Variants in ZNF90 observed in about 807,000 individuals in gnomAD.
ZNF90 encodes zinc finger protein 90.
A neutral mutation model predicts 12.0 loss-of-function variants in ZNF90; 11 were observed. That is an observed-to-expected ratio of 0.92 (90% CI 0.58 to 1.52). ZNF90 has a LOEUF of 1.52. ZNF90 is among the 40% of genes most tolerant of loss of function. The pLI is 0.00. For missense variants in ZNF90, 765 were observed against 711.5 expected (o/e 1.08, Z -0.86); for synonymous variants, 232 against 240.1 (o/e 0.97, Z 0.31).
rs771699751 is a variant in ZNF90, at chr19:20,078,619, GTTC to G, written c.3+491_3+493del. Among the ~76,000 whole-genome samples the G allele has an allele frequency of 1.3e-3, 190 of 151,420 alleles. 2 individuals carry two copies. Among genetic ancestry groups the G allele is most frequent in the African/African-American group, 4.2e-3 (171 of 40,838 alleles). Reference sequence around the variant, plus strand: ...GGTAAAGGGTTGTTAGTACAACGTAGTTCTTCTTCAAAGACGCAACTTCCTGGT... The same window carrying G: ...GGTAAAGGGTTGTTAGTACAACGTAGTTCTTCAAAGACGCAACTTCCTGGT... On this transcript the variant is annotated intron_variant, in intron 1 of 3. Coordinates refer to ENST00000418063, the MANE Select transcript of ZNF90 (RefSeq NM_007138.2).
chr19:20,088,183 A>C (rs1486615830), intron 1 of ZNF90, among the ~76,000 whole-genome samples: 1 of 151,794 alleles, frequency 6.6e-6, no homozygotes, highest in African/African-American at 2.4e-5. Context: ...AATAGTGTTG[A>C]AGTGTTGGGG....
intron 2 of ZNF90, among the ~76,000 whole-genome samples, chr19:20,104,800 G>T (rs113064485): frequency 3.5e-3 from 539 of 152,268 alleles, no homozygotes; most frequent in Middle Eastern, 0.01. Flanking sequence ...TTTGAGACTA[G>T]CCTAACCAAC....
At chr19:20,087,063 AT>A (rs2088865130) in intron 1 of ZNF90, 2 of 152,226 alleles carry the variant, frequency 1.3e-5, no homozygotes, top group African/African-American at 4.8e-5. Flanking sequence ...TAGAACCTCC[AT>A]TCAATGGCTA....
Position 20,089,191 on chromosome 19 carries a change from G to A in ZNF90, c.3+11056G>A, listed in dbSNP as rs10413166. 8.6e-3 allele frequency among the ~76,000 whole-genome samples: 1,305 copies of A among 152,278 alleles called. 14 individuals carry two copies. Among genetic ancestry groups the A allele is most frequent in the African/African-American group, 0.03 (1,234 of 41,548 alleles). ...GGGACTGATGGGGTAACTGCATAGA[G>A]GGGGAGTTTTGATTTTCATGGTGTA... On this transcript the variant is annotated intron_variant, in intron 1 of 3. Coordinates refer to ENST00000418063, the MANE Select transcript of ZNF90 (RefSeq NM_007138.2).
At position 20,120,869 on chromosome 19, in the gene ZNF90, CAT is replaced by C. The variant is rs1257018077; in HGVS notation, c.*1510_*1511del. On this transcript the variant is annotated 3_prime_UTR_variant, in exon 4 of 4. Coordinates refer to ENST00000418063, the MANE Select transcript of ZNF90 (RefSeq NM_007138.2). ...TATGCTGTTACTTTATTTCTATTCA[CAT>C]GTGAAAGCATGTGATCAATTGATGC... is the stretch of plus-strand genomic sequence containing the variant. 1 of 152,236 alleles carries C rather than the reference CAT, an allele frequency of 6.6e-6. No individual in the cohort carries two copies. Among genetic ancestry groups the C allele is most frequent in the Admixed American group, 6.5e-5 (1 of 15,284 alleles). 9.4% of individuals were successfully genotyped at this position (152,236 alleles called of 1,614,324 possible).
At chr19:20,114,941 A>G (rs7257214) in intron 3 of ZNF90, among the ~76,000 whole-genome samples, 17,583 of 152,152 alleles carry the variant, frequency 0.12, 1,741 homozygotes, top group East Asian at 0.52. Context: ...TGCTTTATAT[A>G]TTTGAAACCC....
At chr19:20,091,104 C>T (rs991890235) in intron 1 of ZNF90, among the ~76,000 whole-genome samples, 5 of 152,276 alleles carry the variant, frequency 3.3e-5, no homozygotes, top group Non-Finnish European at 5.9e-5. Context: ...GCCTTTCAGA[C>T]CCTGTGGGGA....
intron 3 of ZNF90, among the ~76,000 whole-genome samples, chr19:20,110,905 A>G (rs1297798205): frequency 6.6e-6 from 1 of 152,074 alleles, no homozygotes; most frequent in East Asian, 1.9e-4. Flanking sequence ...AGGGTTGTTT[A>G]TATATTTTGA....
At chr19:20,114,152 G>A (rs1471805737) in intron 3 of ZNF90, among the ~76,000 whole-genome samples, 2 of 152,124 alleles carry the variant, frequency 1.3e-5, no homozygotes, top group Admixed American at 1.3e-4. Flanking sequence ...TTAGCCAAGT[G>A]TGTTGGCATG....
intron 1 of ZNF90, among the ~76,000 whole-genome samples, chr19:20,083,900 T>C (rs1463085422): frequency 2.6e-5 from 4 of 151,988 alleles, no homozygotes; most frequent in African/African-American, 9.7e-5. Flanking sequence ...CACATTTGCG[T>C]TACCACCCCT....
chr19:20,115,988 T>G (rs1426371067), intron 3 of ZNF90, among the ~76,000 whole-genome samples: 5 of 152,090 alleles, frequency 3.3e-5, no homozygotes. Context: ...ATTCTCCTGC[T>G]TCAGTCTCCT....
rs561939555 is a variant in ZNF90 at position 20,100,136 on chromosome 19, T to G, written c.4-4103T>G. On this transcript the variant is annotated intron_variant, in intron 1 of 3. Transcript: ENST00000418063. Reference sequence around the variant, plus strand: ...AAGCCCCAGTACTCAGCAGAAGAGATAGAATGGGGAACCTCAGGAGGACAT... The same window carrying G: ...AAGCCCCAGTACTCAGCAGAAGAGAGAGAATGGGGAACCTCAGGAGGACAT... Among the ~76,000 whole-genome samples, 15 of 152,186 alleles carry G rather than the reference T, an allele frequency of 9.9e-5. No individual in the cohort carries two copies. In the South Asian group the frequency reaches 3.1e-3, roughly 32 times the overall value.
chr19:20,107,136 A>G (rs984444096), intron 3 of ZNF90: 1 of 392,046 alleles, frequency 2.6e-6, no homozygotes, highest in African/African-American at 2.1e-5. Context: ...TCTGTGGCTC[A>G]GGTAACTGAC....
chr19:20,090,354 TC>T (rs1173306898), intron 1 of ZNF90, among the ~76,000 whole-genome samples: 7 of 152,072 alleles, frequency 4.6e-5, no homozygotes, highest in African/African-American at 1.7e-4. Flanking sequence ...TTATTACTGT[TC>T]TTCAGAAATA....
chr19:20,085,268 C>CTTTTTTTTT (rs56068843), intron 1 of ZNF90, among the ~76,000 whole-genome samples: 2 of 135,574 alleles, frequency 1.5e-5, no homozygotes, highest in Non-Finnish European at 1.5e-5. Context: ...TTGCATTGGT[C>CTTTTTTTTT]TTTTTTTTTT....
rs782121122 is a variant in ZNF90, at chr19:20,117,951, C to T, written c.397C>T (p.Leu133Phe). Reference sequence around the variant, plus strand: ...AGTACACAAAAGAGGTTATAATGGACTTAACCAATGTTTGACAGCTACCCA... The same window carrying T: ...AGTACACAAAAGAGGTTATAATGGATTTAACCAATGTTTGACAGCTACCCA... ...GKVHKRGYNG[L>F]NQCLTATQSK... The change falls in exon 4 of 4, where the codon CTT becomes TTT. Residue 133 changes from leucine to phenylalanine, a missense_variant. By Grantham distance (22) the Leu-to-Phe change is conservative (BLOSUM62 0). Coordinates refer to ENST00000418063, the MANE Select transcript of ZNF90 (RefSeq NM_007138.2). The T allele has an allele frequency of 3.2e-5, 51 of 1,613,350 alleles. No homozygotes were observed. Among genetic ancestry groups the T allele is most frequent in the Admixed American group, 5.0e-5 (3 of 59,854 alleles).
At position 20,121,092 on chromosome 19, in the gene ZNF90, T is replaced by C. The variant is rs1343551201; in HGVS notation, c.*1732T>C. 5.7e-6 allele frequency: 1 copy of C among 176,032 alleles called. No individual in the cohort carries two copies. Among genetic ancestry groups the C allele is most frequent in the Non-Finnish European group, 1.2e-5 (1 of 80,572 alleles). 10.9% of individuals were successfully genotyped at this position (176,032 alleles called of 1,614,324 possible). On this transcript the variant is annotated 3_prime_UTR_variant, in exon 4 of 4. Transcript: ENST00000418063. Reference sequence around the variant, plus strand: ...ACATTATAGTGAGAGAAATTATGAATTACAGTTAAAGGTATATTAAATTAC... The same window carrying C: ...ACATTATAGTGAGAGAAATTATGAACTACAGTTAAAGGTATATTAAATTAC...
intron 1 of ZNF90, among the ~76,000 whole-genome samples, chr19:20,091,521 G>T (rs782604315): frequency 2.0e-5 from 3 of 152,184 alleles, no homozygotes; most frequent in African/African-American, 7.2e-5. Flanking sequence ...GAGTAGGTGG[G>T]AGTGACTGAA....
At chr19:20,090,288 T>G (rs1347853879) in intron 1 of ZNF90, among the ~76,000 whole-genome samples, 1 of 151,838 alleles carries the variant, frequency 6.6e-6, no homozygotes, top group Non-Finnish European at 1.5e-5. Flanking sequence ...TTGCAAAAAG[T>G]AGGGTAAGGA....
Sources: gnomAD v4.1 joint callset for allele counts (sites outside exome capture counted in the v4.1 genomes callset) on GRCh38, gnomAD v4.1.1 for gene constraint, MANE v1.5 for transcripts, NCBI Gene and HGNC (gene_info 2026-07-23, HGNC 2026-07-21) for gene names.